RORB: variants seen among roughly 807,000 people sequenced by gnomAD.
RORB encodes nuclear receptor ROR-beta.
A neutral mutation model predicts 59.1 loss-of-function variants in RORB; 6 were observed. The observed-to-expected ratio is 0.10, with a 90% confidence interval of 0.06 to 0.20. RORB has a LOEUF of 0.20. RORB is among the 10% of genes least tolerant of loss of function. RORB has a pLI of 1.00. For missense variants in RORB, 320 were observed against 560.5 expected (o/e 0.57, Z 4.33); for synonymous variants, 215 against 204.5 (o/e 1.05, Z -0.44).
At chr9:74,658,730 G>C (rs758647285) in intron 4 of RORB, among the ~76,000 whole-genome samples, 4 of 151,898 alleles carry the variant, frequency 2.6e-5, no homozygotes, top group African/African-American at 4.8e-5. Context: ...AGACTGCCCC[G>C]GTGAAATTGA....
rs142776886 is a variant in RORB at position 74,690,076 on chromosome 9, T to C, written c.*4458T>C. 1.1e-3 allele frequency: 165 copies of C among 152,276 alleles called. No individual in the cohort carries two copies. Among genetic ancestry groups the C allele is most frequent in the African/African-American group, 3.7e-3 (153 of 41,540 alleles). 9.4% of individuals were successfully genotyped at this position (152,276 alleles called of 1,614,324 possible). On this transcript the variant is annotated 3_prime_UTR_variant, in exon 10 of 10. Transcript: ENST00000376896. The stretch of plus-strand genomic sequence containing the variant: ...ATAGAACAGCAATAACCTTAAAGTG[T>C]GCATCTGTAGTGAAACTCTGCACAA...
intron 1 of RORB, among the ~76,000 whole-genome samples, chr9:74,565,411 A>T (rs1473213781): frequency 6.6e-6 from 1 of 152,152 alleles, no homozygotes; most frequent in African/African-American, 2.4e-5. Context: ...TTCAAAATCA[A>T]TATGTTGAGT....
Position 74,687,168 on chromosome 9 carries a change from C to T in RORB, c.*1550C>T, listed in dbSNP as rs1295990837. 1.3e-5 allele frequency: 2 copies of T among 151,732 alleles called. No individual in the cohort carries two copies. The highest frequency in any genetic ancestry group is 4.8e-5 in the African/African-American group (2 of 41,278). 9.4% of individuals were successfully genotyped at this position (151,732 alleles called of 1,614,324 possible). On this transcript the variant is annotated 3_prime_UTR_variant, in exon 10 of 10. Transcript: ENST00000376896. ...CCTATACCTCTGTTATTTTCTGATA[C>T]AAAATAAAACTTAAAAAAAAGAAAA...
At chr9:74,606,321 C>T (rs1823148290) in intron 1 of RORB, among the ~76,000 whole-genome samples, 1 of 152,176 alleles carries the variant, frequency 6.6e-6, no homozygotes, top group Non-Finnish European at 1.5e-5. Flanking sequence ...AGACTAAACT[C>T]CTGTTTTCAC....
At chr9:74,555,782 T>C (rs1009168717) in intron 1 of RORB, among the ~76,000 whole-genome samples, 7 of 152,200 alleles carry the variant, frequency 4.6e-5, no homozygotes, top group Non-Finnish European at 8.8e-5. Flanking sequence ...ATTCCACTGC[T>C]TATGTATTCT....
intron 1 of RORB, among the ~76,000 whole-genome samples, chr9:74,581,981 G>T (rs1351059886): frequency 6.6e-6 from 1 of 152,078 alleles, no homozygotes; most frequent in East Asian, 1.9e-4. Context: ...GTGAAATGAA[G>T]AATTTTCATC....
chr9:74,594,797 A>T (rs1334695041), intron 1 of RORB, among the ~76,000 whole-genome samples: 1 of 152,214 alleles, frequency 6.6e-6, no homozygotes, highest in Non-Finnish European at 1.5e-5. Flanking sequence ...AAGAAAGAAA[A>T]AGAGAAAAAG....
At chr9:74,543,363 C>T (rs1731326869) in intron 1 of RORB, among the ~76,000 whole-genome samples, 1 of 152,200 alleles carries the variant, frequency 6.6e-6, no homozygotes, top group Non-Finnish European at 1.5e-5. Flanking sequence ...TCATCACATG[C>T]CACTCGTCCA....
intron 1 of RORB, among the ~76,000 whole-genome samples, chr9:74,608,423 G>A (rs905894326): frequency 2.6e-4 from 40 of 152,120 alleles, no homozygotes; most frequent in African/African-American, 9.6e-4. Context: ...AATAAGCCGG[G>A]CGTGGTGGCG....
rs147583433 is a variant in RORB, at chr9:74,533,726, T to G, written c.7+35743T>G. On this transcript the variant is annotated intron_variant, in intron 1 of 9. Coordinates refer to ENST00000376896, the MANE Select transcript of RORB (RefSeq NM_006914.4). Reference sequence around the variant, plus strand: ...GCTTTGCCATTATATCCATCAGCTATAGTAGTTATGATTCCTTAATTAGGA... The same window carrying G: ...GCTTTGCCATTATATCCATCAGCTAGAGTAGTTATGATTCCTTAATTAGGA... Among the ~76,000 whole-genome samples the G allele has an allele frequency of 2.0e-4, 30 of 152,200 alleles. No homozygotes were observed. The East Asian group carries it at 5.0e-3, about 26-fold the overall frequency.
chr9:74,518,783 G>A (rs1451935516), intron 1 of RORB, among the ~76,000 whole-genome samples: 1 of 151,938 alleles, frequency 6.6e-6, no homozygotes, highest in Non-Finnish European at 1.5e-5. Context: ...TATAAGATGT[G>A]CCGCTGGGAT....
chr9:74,681,929 G>A (rs993931372), intron 9 of RORB, among the ~76,000 whole-genome samples: 4 of 152,094 alleles, frequency 2.6e-5, no homozygotes, highest in Admixed American at 6.5e-5. Flanking sequence ...TTCAATAAAT[G>A]TCAATGGCTG....
chr9:74,533,277 C>T (rs1351467833), intron 1 of RORB, among the ~76,000 whole-genome samples: 1 of 151,974 alleles, frequency 6.6e-6, no homozygotes, highest in East Asian at 1.9e-4. Context: ...AAATGTTTTT[C>T]CTGGGGCTTT....
chr9:74,640,500 G>A (rs4610815), intron 3 of RORB, among the ~76,000 whole-genome samples: 149,850 of 152,056 alleles, frequency 0.99, 73,878 homozygotes, highest in Middle Eastern at 1. Flanking sequence ...AGCCAGGATG[G>A]TCTCGATCTC....
At chr9:74,618,652 G>A (rs1245546166) in intron 1 of RORB, among the ~76,000 whole-genome samples, 1 of 152,016 alleles carries the variant, frequency 6.6e-6, no homozygotes, top group Non-Finnish European at 1.5e-5. Context: ...AGAACTTCAG[G>A]AATGGTCTCT....
intron 9 of RORB, among the ~76,000 whole-genome samples, chr9:74,679,463 G>T (rs569772655): frequency 1.3e-5 from 2 of 152,162 alleles, no homozygotes; most frequent in South Asian, 2.1e-4. Flanking sequence ...GCAAGAATAG[G>T]CAAAATTATA....
intron 6 of RORB, among the ~76,000 whole-genome samples, chr9:74,664,550 T>C (rs1198599432): frequency 6.6e-6 from 1 of 152,198 alleles, no homozygotes; most frequent in East Asian, 1.9e-4. Flanking sequence ...GTTCCTTCCA[T>C]TGTGTAGATA....
At chr9:74,611,802 C>A (rs921180723) in intron 1 of RORB, among the ~76,000 whole-genome samples, 1 of 152,174 alleles carries the variant, frequency 6.6e-6, no homozygotes, top group Non-Finnish European at 1.5e-5. Context: ...CACCCACCAC[C>A]CTGCCTGGCT....
At chr9:74,618,395 G>C (rs963819998) in intron 1 of RORB, among the ~76,000 whole-genome samples, 1 of 152,068 alleles carries the variant, frequency 6.6e-6, no homozygotes, top group South Asian at 2.1e-4. Flanking sequence ...TCAGTGTGGG[G>C]TGATAGTCCA....
Sources: gnomAD v4.1 joint callset for allele counts (sites outside exome capture counted in the v4.1 genomes callset) on GRCh38, gnomAD v4.1.1 for gene constraint, MANE v1.5 for transcripts, NCBI Gene and HGNC (gene_info 2026-07-23, HGNC 2026-07-21) for gene names.